SCFD2: variants seen among roughly 807,000 people sequenced by gnomAD.
SCFD2 encodes sec1 family domain-containing protein 2.
In SCFD2, 54 loss-of-function variants were observed where a neutral mutation model predicts 58.9. The ratio of observed to expected loss-of-function variants is 0.92; its 90% CI spans 0.74 to 1.15. The LOEUF (loss-of-function observed/expected upper bound fraction) is 1.15. SCFD2 is among the 50% of genes most tolerant of loss of function. The pLI is 0.00. For synonymous variants in SCFD2, 321 were observed against 335.9 expected (o/e 0.96, Z 0.49); for missense variants, 805 against 836.6 (o/e 0.96, Z 0.47).
chr4:53,363,059 G>T (rs371335061), intron 1 of SCFD2, among the ~76,000 whole-genome samples: 4 of 152,160 alleles, frequency 2.6e-5, no homozygotes, highest in African/African-American at 9.7e-5. Flanking sequence ...TGATAAGGGA[G>T]AATCTATAAA....
In SCFD2 at chr4:53,134,174, G is replaced by A. The variant is rs137872974; in HGVS notation, c.1561+11159C>T. 1.5e-3 allele frequency among the ~76,000 whole-genome samples: 234 copies of A among 152,290 alleles called. 1 individual carries two copies. The highest frequency in any genetic ancestry group is 2.7e-3 in the Non-Finnish European group (181 of 68,014). On this transcript the variant is annotated intron_variant, in intron 5 of 8. Transcript: ENST00000401642. ...GAAATGATGGTTACCCAGGGCTGGG[G>A]TGAGGGGAACTGGGGAGTTGCTTGC... is the stretch of plus-strand genomic sequence containing the variant.
chr4:52,879,954 C>T (rs181055617), intron 8 of SCFD2, among the ~76,000 whole-genome samples: 1 of 152,316 alleles, frequency 6.6e-6, no homozygotes, highest in East Asian at 1.9e-4. Flanking sequence ...CATATTCATT[C>T]GATAGGCAGC....
chr4:53,175,101 T>C (rs1411307962), intron 4 of SCFD2, among the ~76,000 whole-genome samples: 2 of 152,160 alleles, frequency 1.3e-5, no homozygotes, highest in African/African-American at 4.8e-5. Flanking sequence ...CCCCATAGAA[T>C]TCCACAGGAG....
intron 4 of SCFD2, among the ~76,000 whole-genome samples, chr4:53,170,337 T>C (rs939285498): frequency 6.6e-6 from 1 of 152,186 alleles, no homozygotes; most frequent in African/African-American, 2.4e-5. Context: ...AAAATCAATT[T>C]TCTGAAAATG....
rs529331255 is a variant in SCFD2, at chr4:53,238,051, G to A, written c.1311+35775C>T. ...AGATGGGGTGGCTGGCCGGGCGGGG[G>A]GCTGACCCCCCCACCTCCCTCCCGG... On this transcript the variant is annotated intron_variant, in intron 4 of 8. Coordinates refer to ENST00000401642, the MANE Select transcript of SCFD2 (RefSeq NM_152540.4). Among the ~76,000 whole-genome samples the A allele has an allele frequency of 6.4e-3, 871 of 136,764 alleles. 5 individuals carry two copies. Among genetic ancestry groups the A allele is most frequent in the African/African-American group, 0.023 (818 of 35,894 alleles). The allele number at this position is 136,764 out of a possible 152,430, so 89.7% of individuals were successfully genotyped here. A position where few individuals can be genotyped will look rare whatever the true frequency, so the allele number is the denominator to read the frequency against.
chr4:53,024,201 C>T (rs1722415295), intron 5 of SCFD2, among the ~76,000 whole-genome samples: 1 of 152,096 alleles, frequency 6.6e-6, no homozygotes, highest in Non-Finnish European at 1.5e-5. Context: ...TGAAGATTCA[C>T]TTACCTCCCC....
intron 4 of SCFD2, among the ~76,000 whole-genome samples, chr4:53,246,711 T>A (rs1368160413): frequency 1.3e-5 from 2 of 152,050 alleles, no homozygotes; most frequent in African/African-American, 4.8e-5. Context: ...AAGGACTTAA[T>A]TAATTGAATG....
At chr4:52,922,826 A>G (rs7680614) in intron 5 of SCFD2, among the ~76,000 whole-genome samples, 15,987 of 152,238 alleles carry the variant, frequency 0.11, 1,608 homozygotes, top group African/African-American at 0.26. Flanking sequence ...ATTCCCACCA[A>G]CAGTGTAAGA....
rs34552048 is a variant in SCFD2, at chr4:53,017,106, T to TCA, written c.1562-96238_1562-96237dup. ...CTGGGCAACAGAGCGAGACTCCGTC[T>TCA]CACACACACACACACACACAAAAAG... On this transcript the variant is annotated intron_variant, in intron 5 of 8. Coordinates refer to ENST00000401642, the MANE Select transcript of SCFD2 (RefSeq NM_152540.4). 1.4e-3 allele frequency among the ~76,000 whole-genome samples: 214 copies of TCA among 151,152 alleles called. 2 individuals carry two copies. The highest frequency in any genetic ancestry group is 7.8e-3 in the South Asian group (37 of 4,736).
chr4:52,962,306 C>T (rs1184472751), intron 5 of SCFD2, among the ~76,000 whole-genome samples: 1 of 152,170 alleles, frequency 6.6e-6, no homozygotes, highest in Admixed American at 6.5e-5. Flanking sequence ...TTCACAGAAG[C>T]TCCAACTCAA....
intron 3 of SCFD2, among the ~76,000 whole-genome samples, chr4:53,309,809 G>C (rs1463129621): frequency 1.3e-5 from 2 of 152,158 alleles, no homozygotes; most frequent in African/African-American, 4.8e-5. Flanking sequence ...TTCCCGTGCA[G>C]ATGTTCCCAT....
intron 5 of SCFD2, among the ~76,000 whole-genome samples, chr4:53,054,080 A>C (rs561926255): frequency 6.6e-6 from 1 of 152,084 alleles, no homozygotes; most frequent in Admixed American, 6.6e-5. Context: ...GTGTCTCTTC[A>C]TCCTCCCCTC....
In SCFD2 at chr4:53,286,481, G is replaced by C. The variant is rs571800829; in HGVS notation, c.1136-12480C>G. 1.6e-4 allele frequency among the ~76,000 whole-genome samples: 24 copies of C among 152,188 alleles called. No homozygotes were observed. In the South Asian group the frequency reaches 5.0e-3, roughly 32 times the overall value. Reference sequence around the variant, plus strand: ...CTCTGGGACCTAGAACCTGGTCCCAGTAGAGCTGCACCGTCTCCCAGTACC... The same window carrying C: ...CTCTGGGACCTAGAACCTGGTCCCACTAGAGCTGCACCGTCTCCCAGTACC... On this transcript the variant is annotated intron_variant, in intron 3 of 8. Coordinates refer to ENST00000401642, the MANE Select transcript of SCFD2 (RefSeq NM_152540.4).
chr4:53,337,041 AT>A (rs5858209), intron 2 of SCFD2, among the ~76,000 whole-genome samples: 91,073 of 152,012 alleles, frequency 0.6, 27,425 homozygotes, highest in Middle Eastern at 0.66. Flanking sequence ...TGATGGGTGT[AT>A]TAGTCTACTC....
chr4:53,269,577 T>C (rs747939520), intron 4 of SCFD2, among the ~76,000 whole-genome samples: 7 of 152,152 alleles, frequency 4.6e-5, no homozygotes, highest in Non-Finnish European at 7.4e-5. Flanking sequence ...AACAAAGCAA[T>C]AGGTCCAGGT....
At chr4:52,992,752 AGCCGCCCCATGTGTGAAGTGAAGCC>A (rs1721646991) in intron 5 of SCFD2, among the ~76,000 whole-genome samples, 8 of 151,732 alleles carry the variant, frequency 5.3e-5, no homozygotes, top group Non-Finnish European at 1.0e-4. Context: ...TCCGCCCGGC[AGCCGCCCCATGTGTGAAGTGAAGCC>A]CCCCCTCCGC....
chr4:52,994,409 G>A (rs1280449075), intron 5 of SCFD2, among the ~76,000 whole-genome samples: 9 of 152,186 alleles, frequency 5.9e-5, no homozygotes, highest in Non-Finnish European at 1.3e-4. Flanking sequence ...TCTTGACCTT[G>A]AGCAAGTCAA....
intron 5 of SCFD2, among the ~76,000 whole-genome samples, chr4:52,992,702 G>A (rs1023206759): frequency 2.6e-5 from 4 of 151,998 alleles, no homozygotes; most frequent in South Asian, 2.1e-4. Flanking sequence ...GGTGAGGAGC[G>A]TCTCCGCCCG....
chr4:53,242,173 A>C (rs1729914605), intron 4 of SCFD2, among the ~76,000 whole-genome samples: 1 of 152,258 alleles, frequency 6.6e-6, no homozygotes, highest in Non-Finnish European at 1.5e-5. Context: ...ATGTGCAAAC[A>C]AAAATGAATC....
Sources: gnomAD v4.1 joint callset for allele counts (sites outside exome capture counted in the v4.1 genomes callset) on GRCh38, gnomAD v4.1.1 for gene constraint, MANE v1.5 for transcripts, NCBI Gene and HGNC (gene_info 2026-07-23, HGNC 2026-07-21) for gene names.